The following AFDN variants were observed in gnomAD, a reference collection of about 807,000 sequenced individuals.
AFDN encodes the protein afadin, adherens junction formation factor.
A neutral mutation model predicts 216.6 loss-of-function variants in AFDN; 68 were observed. The observed-to-expected ratio is 0.31, with a 90% CI of 0.26 to 0.38. The LOEUF (loss-of-function observed/expected upper bound fraction) is 0.38, where lower values mean the gene tolerates loss of function less well. AFDN is among the 10% of genes least tolerant of loss of function. The pLI is 1.00. For missense variants in AFDN, 2,136 were observed against 2,342.0 expected (o/e 0.91, Z 1.82); for synonymous variants, 868 against 853.7 (o/e 1.02, Z -0.29).
chr6:167,843,347 A>C (rs1583121925), intron 1 of AFDN, among the ~76,000 whole-genome samples: 1 of 152,300 alleles, frequency 6.6e-6, no homozygotes, highest in Non-Finnish European at 1.5e-5. Flanking sequence ...AAATCTACTA[A>C]AAGTCAAGGA....
chr6:167,922,584 A>G (rs940325948), intron 21 of AFDN, among the ~76,000 whole-genome samples: 3 of 152,334 alleles, frequency 2.0e-5, no homozygotes, highest in South Asian at 2.1e-4. Context: ...GCTATTTGGT[A>G]ATTTCTTATA....
chr6:167,949,706 G>T (rs115722564), intron 29 of AFDN, among the ~76,000 whole-genome samples: 80 of 152,266 alleles, frequency 5.3e-4, no homozygotes, highest in African/African-American at 1.9e-3. Context: ...TTGTTAGAAC[G>T]TAGGAGAATC....
chr6:167,837,088 A>C (rs1380849785), intron 1 of AFDN, among the ~76,000 whole-genome samples: 1 of 152,168 alleles, frequency 6.6e-6, no homozygotes, highest in African/African-American at 2.4e-5. Context: ...TATTACCTTC[A>C]TGACATTGTT....
intron 1 of AFDN, among the ~76,000 whole-genome samples, chr6:167,856,627 T>C (rs982072057): frequency 7.2e-5 from 11 of 152,094 alleles, no homozygotes; most frequent in African/African-American, 2.7e-4. Context: ...AACATACTGA[T>C]GAAATATGTA....
At chr6:167,843,974 G>A (rs1050822955) in intron 1 of AFDN, among the ~76,000 whole-genome samples, 13 of 152,024 alleles carry the variant, frequency 8.6e-5, no homozygotes, top group African/African-American at 3.1e-4. Context: ...GGAAACTTAA[G>A]TTTTATAGCA....
chr6:167,910,812 C>T (rs572434595), intron 13 of AFDN, among the ~76,000 whole-genome samples: 2 of 152,276 alleles, frequency 1.3e-5, no homozygotes, highest in East Asian at 3.9e-4. Flanking sequence ...AGACCGATCC[C>T]TGTACTAGAC....
intron 28 of AFDN, 169 bp from the exon 29 acceptor site, chr6:167,948,124 A>T: frequency 1.3e-6 from 1 of 786,172 alleles, no homozygotes; most frequent in Non-Finnish European, 2.0e-6. Context: ...GTTTTAAATT[A>T]ATAAGTCTGG....
chr6:167,946,360 A>G (rs1795261912), intron 26 of AFDN, among the ~76,000 whole-genome samples: 1 of 152,238 alleles, frequency 6.6e-6, no homozygotes, highest in African/African-American at 2.4e-5. Flanking sequence ...CTGGGCGATT[A>G]AAAGTTCAGA....
chr6:167,885,465 C>G (rs1210970319), intron 6 of AFDN, among the ~76,000 whole-genome samples: 1 of 152,108 alleles, frequency 6.6e-6, no homozygotes, highest in Non-Finnish European at 1.5e-5. Flanking sequence ...GGCCTAATTT[C>G]AATGTTATGT....
intron 4 of AFDN, among the ~76,000 whole-genome samples, chr6:167,874,011 ACT>A (rs1475008508): frequency 7.2e-5 from 11 of 152,182 alleles, no homozygotes; most frequent in African/African-American, 2.2e-4. Flanking sequence ...ACATAATAAG[ACT>A]CTATTAAATG....
intron 6 of AFDN, among the ~76,000 whole-genome samples, chr6:167,887,444 T>G (rs1786991494): frequency 7.5e-6 from 1 of 133,952 alleles, no homozygotes; most frequent in African/African-American, 2.8e-5. Flanking sequence ...TCAGCTTGCC[T>G]TTTTTTTTTT....
rs531795671 is a variant in AFDN at position 167,952,023 on chromosome 6, A to C, written c.4669A>C (p.Ser1557Arg). The stretch of plus-strand genomic sequence containing the variant: ...GGAGCTCCAGAGCAAACCGGACCGC[A>C]GCGCCGAGGAGAGCGACCGGCTGCG... Reference protein sequence around the residue: ...IQELQSKPDRSAEESDRLRKL... With the variant: ...IQELQSKPDRRAEESDRLRKL... The change falls in exon 30 of 34, where the codon AGC becomes CGC. Residue 1557 changes from serine to arginine, a missense_variant. Around this residue, in one of 8 missense-constraint regions of AFDN, gnomAD observed 981 missense variants for 966.0 expected, o/e 1.02. Transcript: ENST00000683244. 3 of 1,614,206 alleles carry C rather than the reference A, an allele frequency of 1.9e-6. No individual in the cohort carries two copies. The East Asian group carries it at 6.7e-5, about 36-fold the overall frequency.
In AFDN at chr6:167,827,013, CCGCGGAGGCGGA is replaced by C; in HGVS notation, c.-119_-108del. 1 of 263,516 alleles carries C rather than the reference CCGCGGAGGCGGA, an allele frequency of 3.8e-6. No individual in the cohort carries two copies. 16.3% of individuals were successfully genotyped at this position (263,516 alleles called of 1,614,324 possible). On this transcript the variant is annotated 5_prime_UTR_variant, in exon 1 of 34. Transcript: ENST00000683244. ...GGCGCGGCCGCGGAGGCGGAGGCAG[CCGCGGAGGCGGA>C]GGCGGCCGGCGGGGGGTGGCGAGGG...
chr6:167,898,191 C>T lies in AFDN; in HGVS notation c.1318-14C>T. The T allele has an allele frequency of 6.2e-7, 1 of 1,611,556 alleles. No individual in the cohort carries two copies. Among genetic ancestry groups the T allele is most frequent in the Non-Finnish European group, 8.5e-7 (1 of 1,178,130 alleles). ...TTCATGATGGGAGTTTCTTTGGTTT[C>T]CTTCGGTTTCCAGTTGTTTGGCCCA... is the stretch of plus-strand genomic sequence containing the variant. On this transcript the variant is annotated splice_polypyrimidine_tract_variant and intron_variant, in intron 10 of 33. Transcript: ENST00000683244.
At chr6:167,947,718 A>G (rs1237047484) in intron 27 of AFDN, 135 bp from the exon 28 acceptor site, 1 of 468,102 alleles carries the variant, frequency 2.1e-6, no homozygotes, top group Non-Finnish European at 3.8e-6. Flanking sequence ...ACCTGCCTTG[A>G]TTTTTTTTTT....
chr6:167,925,478 TC>T (rs1470123803), intron 23 of AFDN, among the ~76,000 whole-genome samples: 16 of 152,170 alleles, frequency 1.1e-4, no homozygotes, highest in African/African-American at 3.9e-4. Context: ...GCCACTGGAC[TC>T]CTTTCTCAGA....
chr6:167,873,092 T>G (rs929599155), intron 4 of AFDN, among the ~76,000 whole-genome samples: 4 of 152,240 alleles, frequency 2.6e-5, no homozygotes, highest in Non-Finnish European at 4.4e-5. Context: ...GCTGTTGCCT[T>G]GGTCTTGACT....
intron 16 of AFDN, chr6:167,913,731 G>A (rs1244568559): frequency 2.2e-6 from 1 of 461,312 alleles, no homozygotes; most frequent in Non-Finnish European, 3.9e-6. Context: ...ATGTGGTCGG[G>A]AGAGGATGTG....
rs1341800979 is a variant in AFDN, at chr6:167,964,656, GTGTGTA to G, written c.4969-1100_4969-1095del. The G allele has an allele frequency of 5.0e-5, 50 of 999,354 alleles. 1 individual carries two copies. Among genetic ancestry groups the G allele is most frequent in the Non-Finnish European group, 2.4e-6 (2 of 825,508 alleles). The allele number at this position is 999,354 out of a possible 1,614,324, so 61.9% of individuals were successfully genotyped here. The stretch of plus-strand genomic sequence containing the variant: ...TGTGTGTGTGTGTGTGTGTGTGTGT[GTGTGTA>G]GCTCTAGAGGGAGTAGGGAGAAAAT... On this transcript the variant is annotated intron_variant, in intron 31 of 33. Transcript: ENST00000683244.
Sources: allele counts gnomAD v4.1 joint callset (sites outside exome capture counted in the v4.1 genomes callset), GRCh38; gene constraint gnomAD v4.1.1; regional missense constraint gnomAD v4.1.1; transcripts MANE v1.5; gene names NCBI Gene and HGNC (gene_info 2026-07-23, HGNC 2026-07-21).